Variants in SPOCK3 observed in about 807,000 individuals in gnomAD.
SPOCK3 encodes testican-3.
A neutral mutation model predicts 56.6 loss-of-function variants in SPOCK3; 30 were observed. The ratio of observed to expected loss-of-function variants is 0.53; its 90% CI spans 0.40 to 0.72. SPOCK3 has a LOEUF of 0.72. Ranked by LOEUF, SPOCK3 falls within the 30% of genes least tolerant of loss-of-function variation. The probability of loss-of-function intolerance (pLI) is 0.00; values close to 1 mark genes in which losing one functional copy is unlikely to be tolerated. For synonymous variants in SPOCK3, 196 were observed against 183.3 expected, an observed-to-expected ratio of 1.07 and a Z score of -0.56; for missense variants, 527 against 530.0, an observed-to-expected ratio of 0.99 and a Z score of 0.06.
intron 2 of SPOCK3, among the ~76,000 whole-genome samples, chr4:167,174,654 T>A (rs1730810485): frequency 6.6e-6 from 1 of 152,084 alleles, no homozygotes; most frequent in African/African-American, 2.4e-5. Flanking sequence ...TAGAAGCCAA[T>A]AAAGATAGGA....
intron 3 of SPOCK3, among the ~76,000 whole-genome samples, chr4:167,035,486 T>C (rs1752665562): frequency 6.6e-6 from 1 of 152,090 alleles, no homozygotes; most frequent in Non-Finnish European, 1.5e-5. Flanking sequence ...CTACAGGACC[T>C]ACCTTTCCTT....
intron 3 of SPOCK3, among the ~76,000 whole-genome samples, chr4:167,059,245 C>G (rs990326319): frequency 6.6e-6 from 1 of 152,316 alleles, no homozygotes; most frequent in Admixed American, 6.5e-5. Context: ...TTTTCGCAAC[C>G]TGCTCTTCTG....
At chr4:166,841,769 T>C (rs1043041654) in intron 6 of SPOCK3, among the ~76,000 whole-genome samples, 4 of 152,260 alleles carry the variant, frequency 2.6e-5, no homozygotes, top group Non-Finnish European at 5.9e-5. Flanking sequence ...CTGTACAGCC[T>C]ATATGATGCC....
At chr4:167,074,094 C>T (rs1756952475) in intron 2 of SPOCK3, among the ~76,000 whole-genome samples, 2 of 150,502 alleles carry the variant, frequency 1.3e-5, no homozygotes, top group African/African-American at 4.9e-5. Flanking sequence ...AAAGCTAAAA[C>T]AGAATTATAA....
chr4:167,075,671 C>G (rs1208595803), intron 2 of SPOCK3, among the ~76,000 whole-genome samples: 1 of 151,888 alleles, frequency 6.6e-6, no homozygotes, highest in Non-Finnish European at 1.5e-5. Flanking sequence ...GAAATGAAGT[C>G]TTACTGTATG....
At position 166,820,550 on chromosome 4, in the gene SPOCK3, C is replaced by A. The variant is rs1744825040; in HGVS notation, c.590-28261G>T. Among the ~76,000 whole-genome samples the A allele has an allele frequency of 2.0e-5, 3 of 151,728 alleles. No individual in the cohort carries two copies. In the South Asian group the frequency reaches 6.2e-4, roughly 32 times the overall value. Reference sequence around the variant, plus strand: ...AAACATTAACTTAAAGCGAGTGTATCCCCAACTTTAAGAGTTAAAACCTAG... The same window carrying A: ...AAACATTAACTTAAAGCGAGTGTATACCCAACTTTAAGAGTTAAAACCTAG... On this transcript the variant is annotated intron_variant, in intron 6 of 10. Coordinates refer to ENST00000357545, the MANE Select transcript of SPOCK3 (RefSeq NM_001040159.2).
intron 2 of SPOCK3, among the ~76,000 whole-genome samples, chr4:167,119,571 A>T (rs1406397805): frequency 6.6e-6 from 1 of 152,174 alleles, no homozygotes. Flanking sequence ...CATCTGTTGA[A>T]GTCATTTAAA....
chr4:167,222,953 T>C (rs1338674463), intron 2 of SPOCK3, among the ~76,000 whole-genome samples: 1 of 127,786 alleles, frequency 7.8e-6, no homozygotes, highest in Non-Finnish European at 1.5e-5. Flanking sequence ...ACATATAATA[T>C]ATATTATACA....
intron 2 of SPOCK3, among the ~76,000 whole-genome samples, chr4:167,144,775 T>C (rs35597012): frequency 0.52 from 78,059 of 149,594 alleles, 20,563 homozygotes; most frequent in East Asian, 0.66. Context: ...TTAATCTTGA[T>C]GTGGAAGCAA....
chr4:167,053,706 CAAAT>C (rs1256490308), intron 3 of SPOCK3, among the ~76,000 whole-genome samples: 3 of 151,642 alleles, frequency 2.0e-5, no homozygotes, highest in Non-Finnish European at 4.4e-5. Flanking sequence ...AATAAATAAA[CAAAT>C]AAATAAAAAA....
intron 2 of SPOCK3, among the ~76,000 whole-genome samples, chr4:167,078,622 T>A (rs1358898764): frequency 1.3e-5 from 2 of 151,704 alleles, no homozygotes; most frequent in Non-Finnish European, 2.9e-5. Flanking sequence ...GGTATTAAGT[T>A]TTCTTTGAAT....
At chr4:166,909,727 A>G (rs980920476) in intron 5 of SPOCK3, among the ~76,000 whole-genome samples, 1 of 152,124 alleles carries the variant, frequency 6.6e-6, no homozygotes, top group African/African-American at 2.4e-5. Context: ...CATGGACCCT[A>G]CTGAGCTTAG....
chr4:166,831,802 A>G (rs959198479), intron 6 of SPOCK3, among the ~76,000 whole-genome samples: 1 of 142,162 alleles, frequency 7.0e-6, no homozygotes, highest in Admixed American at 7.2e-5. Flanking sequence ...CTTCTCTTTA[A>G]TATTCCCTAC....
intron 6 of SPOCK3, among the ~76,000 whole-genome samples, chr4:166,838,853 C>G (rs746690863): frequency 3.3e-5 from 5 of 149,486 alleles, no homozygotes; most frequent in Non-Finnish European, 7.4e-5. Flanking sequence ...ATCCAGCTAC[C>G]TGGGAGGCTG....
chr4:167,146,087 A>T (rs1317425571), intron 2 of SPOCK3, among the ~76,000 whole-genome samples: 5 of 152,140 alleles, frequency 3.3e-5, no homozygotes, highest in African/African-American at 1.2e-4. Context: ...AAACATACAC[A>T]GAGGCTCAAA....
chr4:166,978,706 GAGA>G (rs1328923187), intron 4 of SPOCK3, among the ~76,000 whole-genome samples: 2 of 152,120 alleles, frequency 1.3e-5, no homozygotes, highest in African/African-American at 2.4e-5. Flanking sequence ...GGGGGAGAAG[GAGA>G]AGAAGGAAGA....
At chr4:166,780,737 T>C (rs62355210) in intron 7 of SPOCK3, among the ~76,000 whole-genome samples, 36,825 of 152,012 alleles carry the variant, frequency 0.24, 4,795 homozygotes, top group East Asian at 0.34. Flanking sequence ...TTCAGATACA[T>C]AGTACCTTCC....
chr4:166,740,508 A>G (rs984684091), intron 9 of SPOCK3, among the ~76,000 whole-genome samples: 4 of 79,132 alleles, frequency 5.1e-5, no homozygotes, highest in African/African-American at 2.3e-4. Context: ...TATTATTATT[A>G]TTATTATTAT....
chr4:167,146,061 G>C (rs1763924841), intron 2 of SPOCK3, among the ~76,000 whole-genome samples: 1 of 152,028 alleles, frequency 6.6e-6, no homozygotes, highest in Admixed American at 6.6e-5. Context: ...TTATTCAGGA[G>C]ACCCATCTCA....
Sources: allele counts gnomAD v4.1 joint callset (sites outside exome capture counted in the v4.1 genomes callset), GRCh38; gene constraint gnomAD v4.1.1; transcripts MANE v1.5; gene names NCBI Gene and HGNC (gene_info 2026-07-23, HGNC 2026-07-21).